The following RGL1 variants were observed in gnomAD, a reference collection of about 807,000 sequenced individuals.
RGL1 encodes the protein ral guanine nucleotide dissociation stimulator-like 1.
A neutral mutation model predicts 95.2 loss-of-function variants in RGL1; 24 were observed. The ratio of observed to expected loss-of-function variants is 0.25; its 90% confidence interval spans 0.18 to 0.35. RGL1 has a LOEUF of 0.35. Among genes scored for constraint, RGL1 ranks in the 10% least tolerant of loss-of-function variants. RGL1 has a pLI of 1.00. For missense variants in RGL1, 715 were observed against 936.3 expected, an observed-to-expected ratio of 0.76 and a Z score of 3.08; for synonymous variants, 329 against 344.9, an observed-to-expected ratio of 0.95 and a Z score of 0.51.
At chr1:183,782,561 A>G (rs567997659) in intron 2 of RGL1, among the ~76,000 whole-genome samples, 113 of 152,308 alleles carry the variant, frequency 7.4e-4, no homozygotes, top group Non-Finnish European at 1.1e-3. Context: ...GGCACTACAT[A>G]TTTTTATGGC....
In RGL1 at chr1:183,856,317, A is replaced by G. The variant is rs914966088; in HGVS notation, c.347+8543A>G. ...TACACACACATATATATAACAGAAC[A>G]TATATATATATGTTCTGTTATGTAT... On this transcript the variant is annotated intron_variant, in intron 3 of 17. Coordinates refer to ENST00000360851, the MANE Select transcript of RGL1 (RefSeq NM_001297671.3). 6.6e-5 allele frequency among the ~76,000 whole-genome samples: 10 copies of G among 151,288 alleles called. 1 individual carries two copies. The East Asian group carries it at 1.9e-3, about 29-fold the overall frequency.
intron 1 of RGL1, chr1:183,648,961 C>A: frequency 7.1e-6 from 4 of 565,094 alleles, no homozygotes; most frequent in Non-Finnish European, 1.2e-5. Context: ...ATTCATTATT[C>A]TTTATTGAGA....
intron 3 of RGL1, among the ~76,000 whole-genome samples, chr1:183,853,518 G>A (rs1558250057): frequency 1.3e-5 from 2 of 152,170 alleles, no homozygotes; most frequent in Non-Finnish European, 2.9e-5. Flanking sequence ...AAAGGTTGGA[G>A]CCATTTGTAA....
At position 183,645,693 on chromosome 1, in the gene RGL1, C is replaced by T. The variant is rs75680157; in HGVS notation, c.-33+9192C>T. ...AGGATCTCACTTTGTGGAACTATTG[C>T]TTTGCTATATGCCTTCTTATAGCAG... On this transcript the variant is annotated intron_variant, in intron 1 of 18. Coordinates refer to the RGL1 transcript ENST00000304685. Among the ~76,000 whole-genome samples the T allele has an allele frequency of 3.1e-3, 469 of 152,320 alleles. 2 individuals carry two copies. Among genetic ancestry groups the T allele is most frequent in the African/African-American group, 0.011 (450 of 41,576 alleles).
At chr1:183,763,331 T>A (rs1658803431) in intron 2 of RGL1, among the ~76,000 whole-genome samples, 1 of 152,114 alleles carries the variant, frequency 6.6e-6, no homozygotes, top group Admixed American at 6.5e-5. Flanking sequence ...GGCACATGTA[T>A]ACCTATATAA....
At chr1:183,643,068 G>A (rs1411726760) in intron 1 of RGL1, among the ~76,000 whole-genome samples, 6 of 152,112 alleles carry the variant, frequency 3.9e-5, no homozygotes, top group Non-Finnish European at 8.8e-5. Flanking sequence ...TGTCCTCAGG[G>A]TTCATCCATG....
intron 2 of RGL1, among the ~76,000 whole-genome samples, chr1:183,767,717 C>T (rs910194260): frequency 6.6e-6 from 1 of 152,262 alleles, no homozygotes; most frequent in East Asian, 1.9e-4. Flanking sequence ...CTTTGTGAGG[C>T]CGAGGTGGGC....
chr1:183,742,593 C>T (rs1397458198), intron 2 of RGL1, among the ~76,000 whole-genome samples: 2 of 152,176 alleles, frequency 1.3e-5, no homozygotes, highest in Non-Finnish European at 2.9e-5. Flanking sequence ...TGTGGGTATC[C>T]CGCTAGCTAC....
intron 2 of RGL1, among the ~76,000 whole-genome samples, chr1:183,820,394 A>G (rs924860875): frequency 6.6e-6 from 1 of 152,114 alleles, no homozygotes; most frequent in Non-Finnish European, 1.5e-5. Context: ...ATGCTTATTT[A>G]TTGGTTAATG....
intron 2 of RGL1, among the ~76,000 whole-genome samples, chr1:183,791,358 G>A (rs376719086): frequency 2.6e-5 from 4 of 152,170 alleles, no homozygotes; most frequent in African/African-American, 7.2e-5. Context: ...GTGTCTCTGT[G>A]TGAGTAGTTA....
At chr1:183,887,166 C>T (rs1472500116) in intron 7 of RGL1, among the ~76,000 whole-genome samples, 1 of 142,174 alleles carries the variant, frequency 7.0e-6, no homozygotes. Flanking sequence ...TCCCCTCCCT[C>T]CCTCCCTCTT....
chr1:183,913,214 A>G (rs1270882385), intron 15 of RGL1, among the ~76,000 whole-genome samples: 2 of 80,306 alleles, frequency 2.5e-5, no homozygotes, highest in South Asian at 8.4e-4. Flanking sequence ...TTTTTTTGAG[A>G]TGAAGTCTCA....
At position 183,713,819 on chromosome 1, in the gene RGL1, T is replaced by C. The variant is rs558532397; in HGVS notation, c.-32-28307T>C. Among the ~76,000 whole-genome samples, 8 of 152,342 alleles carry C rather than the reference T, an allele frequency of 5.3e-5. No homozygotes were observed. In the South Asian group the frequency reaches 1.2e-3, roughly 24 times the overall value. ...TTATAGAAGCCCTGTTGGACTAAGA[T>C]ACCATGAATCTAGAGATATTTTGCA... On this transcript the variant is annotated intron_variant, in intron 1 of 18. Transcript: ENST00000304685.
At chr1:183,918,864 C>T (rs975545781) in intron 16 of RGL1, among the ~76,000 whole-genome samples, 1 of 152,198 alleles carries the variant, frequency 6.6e-6, no homozygotes, top group Non-Finnish European at 1.5e-5. Context: ...TCATTCTAAT[C>T]GTTAGGCCTC....
At chr1:183,834,294 G>A (rs1663479429) in intron 2 of RGL1, among the ~76,000 whole-genome samples, 2 of 152,086 alleles carry the variant, frequency 1.3e-5, no homozygotes, top group South Asian at 4.2e-4. Context: ...GCTCACTACC[G>A]AGATAGCTAG....
intron 2 of RGL1, among the ~76,000 whole-genome samples, chr1:183,748,363 C>T (rs941271370): frequency 1.4e-4 from 21 of 146,404 alleles, no homozygotes; most frequent in African/African-American, 2.5e-4. Flanking sequence ...TAGTCTTCTA[C>T]GAGCTTTTGA....
intron 3 of RGL1, among the ~76,000 whole-genome samples, chr1:183,862,416 C>A (rs1665566587): frequency 2.0e-5 from 3 of 152,188 alleles, no homozygotes; most frequent in Admixed American, 1.3e-4. Flanking sequence ...TCATCTCCAT[C>A]CCAGTCCATT....
At chr1:183,719,742 A>G (rs1459743291) in intron 1 of RGL1, among the ~76,000 whole-genome samples, 1 of 152,098 alleles carries the variant, frequency 6.6e-6, no homozygotes, top group East Asian at 1.9e-4. Flanking sequence ...CCCCGTCCCT[A>G]TAAAAATACA....
chr1:183,639,035 T>C (rs1649734749), intron 1 of RGL1, among the ~76,000 whole-genome samples: 1 of 152,204 alleles, frequency 6.6e-6, no homozygotes, highest in Admixed American at 6.5e-5. Flanking sequence ...ATCCCAGCAC[T>C]TTGGGAAGCC....
Sources: gnomAD v4.1 joint callset for allele counts (sites outside exome capture counted in the v4.1 genomes callset) on GRCh38, gnomAD v4.1.1 for gene constraint, MANE v1.5 for transcripts, NCBI Gene and HGNC (gene_info 2026-07-23, HGNC 2026-07-21) for gene names.